Variants in WDR89 observed in about 807,000 individuals in gnomAD.
WDR89 encodes WD repeat domain 89, also known as WD repeat-containing protein 89.
In WDR89, 17 loss-of-function variants were observed where a neutral mutation model predicts 29.1. That is an observed-to-expected ratio of 0.58 (90% CI 0.40 to 0.88). The LOEUF (loss-of-function observed/expected upper bound fraction) is 0.88. Among genes scored for constraint, WDR89 ranks in the 40% least tolerant of loss-of-function variants. The pLI is 0.00. For synonymous variants in WDR89, 138 were observed against 157.8 expected, an observed-to-expected ratio of 0.87 and a Z score of 0.94; for missense variants, 396 against 456.3, an observed-to-expected ratio of 0.87 and a Z score of 1.20.
intron 1 of WDR89, among the ~76,000 whole-genome samples, chr14:63,640,652 T>A (rs1296818642): frequency 1.3e-5 from 2 of 151,506 alleles, no homozygotes; most frequent in African/African-American, 4.8e-5. Flanking sequence ...CATTTTTGCA[T>A]TCGTAGTAGA....
chr14:63,600,027 C>A (rs886884377), intron 2 of WDR89, 54 bp from the exon 3 acceptor site: 1 of 1,113,468 alleles, frequency 9.0e-7, no homozygotes. Flanking sequence ...AAGGGAGACA[C>A]ATAAAAAAAT....
chr14:63,634,868 C>T (rs1188128101), intron 1 of WDR89, among the ~76,000 whole-genome samples: 5 of 128,704 alleles, frequency 3.9e-5, no homozygotes, highest in Non-Finnish European at 6.3e-5. Flanking sequence ...GAAACTACAT[C>T]TCAAAAAAAA....
intron 2 of WDR89, among the ~76,000 whole-genome samples, chr14:63,615,711 G>C (rs1483461630): frequency 3.3e-5 from 5 of 152,168 alleles, no homozygotes; most frequent in Non-Finnish European, 7.3e-5. Flanking sequence ...CAGATCATGA[G>C]GACAGGAGTT....
intron 2 of WDR89, among the ~76,000 whole-genome samples, chr14:63,616,049 C>T (rs958461221): frequency 6.6e-6 from 1 of 152,088 alleles, no homozygotes; most frequent in Non-Finnish European, 1.5e-5. Context: ...TTGAGACCAG[C>T]TTAGGCAACA....
chr14:63,608,656 T>C (rs1186585073), intron 2 of WDR89, among the ~76,000 whole-genome samples: 1 of 142,986 alleles, frequency 7.0e-6, no homozygotes, highest in East Asian at 2.0e-4. Flanking sequence ...AACCAGCCAG[T>C]GTGGTGCATG....
At chr14:63,601,541 C>G (rs1895062987) in intron 2 of WDR89, 1 of 1,571,960 alleles carries the variant, frequency 6.4e-7, no homozygotes, top group African/African-American at 1.4e-5. Flanking sequence ...TTCTTCCACT[C>G]TTTGACCGAG....
At chr14:63,602,659 C>T (rs995959157) in intron 2 of WDR89, among the ~76,000 whole-genome samples, 2 of 151,300 alleles carry the variant, frequency 1.3e-5, no homozygotes, top group Non-Finnish European at 2.9e-5. Flanking sequence ...GTAATCCCAG[C>T]TACTCGGGAG....
At chr14:63,602,986 G>A (rs542468139) in intron 2 of WDR89, among the ~76,000 whole-genome samples, 1 of 152,172 alleles carries the variant, frequency 6.6e-6, no homozygotes, top group African/African-American at 2.4e-5. Flanking sequence ...TCGACCTCCT[G>A]ACCTCGTGAT....
intron 2 of WDR89, among the ~76,000 whole-genome samples, chr14:63,610,456 GAGA>G (rs1196797452): frequency 1.3e-5 from 2 of 152,008 alleles, no homozygotes; most frequent in Non-Finnish European, 2.9e-5. Context: ...CCAAAGAATA[GAGA>G]AGAATAGAGT....
chr14:63,601,887 T>C (rs1895081376), intron 2 of WDR89: 6 of 582,998 alleles, frequency 1.0e-5, no homozygotes, highest in Non-Finnish European at 1.8e-5. Context: ...TTTCATCATG[T>C]AAATAATTTC....
At chr14:63,629,624 G>A (rs961950394) in intron 1 of WDR89, among the ~76,000 whole-genome samples, 9 of 152,182 alleles carry the variant, frequency 5.9e-5, no homozygotes, top group African/African-American at 2.2e-4. Context: ...GAAAAGTACT[G>A]GAAGCAAGGG....
At chr14:63,624,062 A>G (rs1259650432) in intron 2 of WDR89, among the ~76,000 whole-genome samples, 2 of 152,198 alleles carry the variant, frequency 1.3e-5, no homozygotes, top group African/African-American at 2.4e-5. Context: ...GAAAAAAGGG[A>G]ATCTATGACC....
At chr14:63,607,655 G>A (rs1004112218) in intron 2 of WDR89, among the ~76,000 whole-genome samples, 2 of 151,882 alleles carry the variant, frequency 1.3e-5, no homozygotes, top group Non-Finnish European at 2.9e-5. Flanking sequence ...GCCGAGGCAG[G>A]CAGATCACCT....
rs189896424 is a variant in WDR89 at position 63,619,603 on chromosome 14, A to G, written c.-32+5325T>C. Among the ~76,000 whole-genome samples, 110 of 152,318 alleles carry G rather than the reference A, an allele frequency of 7.2e-4. 2 individuals are homozygous for G. In the East Asian group the frequency reaches 0.012, roughly 17 times the overall value. ...AACAAAAAAACTAAAATAATTATGAATTGGTTATTTTTAAGCACCCCTCAA... is the reference window on the plus strand; with the variant it reads ...AACAAAAAAACTAAAATAATTATGAGTTGGTTATTTTTAAGCACCCCTCAA... On this transcript the variant is annotated intron_variant, in intron 2 of 2. Transcript: ENST00000620954.
chr14:63,625,652 G>A (rs1242330019), intron 1 of WDR89, among the ~76,000 whole-genome samples: 2 of 152,132 alleles, frequency 1.3e-5, no homozygotes, highest in Non-Finnish European at 2.9e-5. Context: ...TGCTGGTACC[G>A]ATTTGAGTGT....
chr14:63,615,570 G>A, intron 2 of WDR89, among the ~76,000 whole-genome samples: 1 of 152,170 alleles, frequency 6.6e-6, no homozygotes, highest in Non-Finnish European at 1.5e-5. Flanking sequence ...ATTATAGTTA[G>A]AAACTGATAA....
chr14:63,603,114 A>AT (rs1035580398), intron 2 of WDR89, among the ~76,000 whole-genome samples: 75 of 152,100 alleles, frequency 4.9e-4, no homozygotes, highest in Admixed American at 4.8e-3. Flanking sequence ...TTCAACATTT[A>AT]TTTTTACTTA....
Position 63,611,972 on chromosome 14 carries a change from C to G in WDR89, c.-31-11999G>C, listed in dbSNP as rs1882019130. ...CGAACTCTTGAGCTCAAGTGATCCG[C>G]CCACCTCAGCCTCCCAAAGTGCTGG... On this transcript the variant is annotated intron_variant, in intron 2 of 2. Coordinates refer to ENST00000620954, the MANE Select transcript of WDR89 (RefSeq NM_080666.4). Among the ~76,000 whole-genome samples the G allele has an allele frequency of 2.6e-5, 4 of 152,090 alleles. No individual in the cohort carries two copies. The South Asian group carries it at 8.3e-4, about 32-fold the overall frequency.
intron 1 of WDR89, among the ~76,000 whole-genome samples, chr14:63,633,292 T>C (rs998093759): frequency 6.6e-6 from 1 of 152,044 alleles, no homozygotes; most frequent in Admixed American, 6.6e-5. Context: ...CTAAGGTGAA[T>C]TCACAATACA....
Sources: gnomAD v4.1 joint callset for allele counts (sites outside exome capture counted in the v4.1 genomes callset) on GRCh38, gnomAD v4.1.1 for gene constraint, MANE v1.5 for transcripts, NCBI Gene and HGNC (gene_info 2026-07-23, HGNC 2026-07-21) for gene names.